Variants in ATAD3B observed in about 807,000 individuals in gnomAD.
ATAD3B encodes ATPase family AAA domain-containing protein 3B.
Under a neutral mutation model 70.2 loss-of-function variants are expected in ATAD3B, and 59 were observed. That is an observed-to-expected ratio of 0.84 (90% CI 0.68 to 1.04). The LOEUF is 1.04. Among genes scored for constraint, ATAD3B ranks in the 50% least tolerant of loss-of-function variants. The probability of loss-of-function intolerance (pLI) is 0.00; values close to 1 mark genes in which losing one functional copy is unlikely to be tolerated. For missense variants in ATAD3B, 961 were observed against 913.4 expected, an observed-to-expected ratio of 1.05 and a Z score of -0.67; for synonymous variants, 423 against 388.6, an observed-to-expected ratio of 1.09 and a Z score of -1.04.
Position 1,485,889 on chromosome 1 carries a change from C to G in ATAD3B, c.963+51C>G, listed in dbSNP as rs760826636. ...GAGGTGCAGGGAGGGGACCCCGGAG[C>G]TGGGCTGGGCTGTGGCCCTTGCTAG... On this transcript the variant is annotated intron_variant, in intron 9 of 15. Coordinates refer to ENST00000673477, the MANE Select transcript of ATAD3B (RefSeq NM_031921.6). The G allele has an allele frequency of 1.2e-6, 2 of 1,611,672 alleles. No individual in the cohort carries two copies. The highest frequency in any genetic ancestry group is 2.2e-5 in the East Asian group (1 of 44,884).
Position 1,477,318 on chromosome 1 carries a change from A to G in ATAD3B, c.250A>G (p.Thr84Ala). The change falls in exon 2 of 16, where the codon ACG becomes GCG. Residue 84 changes from threonine to alanine, a missense_variant. By Grantham distance (58) the Thr-to-Ala change is moderately conservative (BLOSUM62 0). Transcript: ENST00000673477. Reference protein sequence around the residue: ...ALNLAQMQEQTLQLEQQSKLK... With the variant: ...ALNLAQMQEQALQLEQQSKLK... The stretch of plus-strand genomic sequence containing the variant: ...GAATCTGGCGCAGATGCAGGAGCAG[A>G]CGCTGCAGTTGGAGCAACAGTCCAA... The G allele has an allele frequency of 6.2e-7, 1 of 1,612,304 alleles. No homozygotes were observed. The highest frequency in any genetic ancestry group is 2.1e-4 in the Middle Eastern group (1 of 4,864).
intron 1 of ATAD3B, among the ~76,000 whole-genome samples, chr1:1,475,192 C>T (rs929990272): frequency 6.7e-6 from 1 of 149,896 alleles, no homozygotes; most frequent in Non-Finnish European, 1.5e-5. Flanking sequence ...GAGCGGGGCC[C>T]GGGGCAGGGT....
the ATAD3B span, among the ~76,000 whole-genome samples, chr1:1,509,038 G>A: frequency 6.6e-6 from 1 of 151,816 alleles, no homozygotes. Flanking sequence ...GCTGCCCCCG[G>A]TGTCCACACA....
At chr1:1,495,396 T>G in intron 15 of ATAD3B, 89 bp from the exon 16 acceptor site, 1 of 1,492,230 alleles carries the variant, frequency 6.7e-7, no homozygotes, top group Non-Finnish European at 9.0e-7. Flanking sequence ...TGCCCCTGGT[T>G]TGGCCCCTCC....
chr1:1,501,880 G>T (rs1475879445), downstream of ATAD3B, among the ~76,000 whole-genome samples: 2 of 151,644 alleles, frequency 1.3e-5, no homozygotes. Flanking sequence ...GTTTTGTTTT[G>T]TTTTGTTTGT....
Position 1,477,310 on chromosome 1 carries a change from A to G in ATAD3B, c.242A>G (p.Gln81Arg). The change falls in exon 2 of 16, where the codon CAG (glutamine) becomes CGG (arginine). Residue 81 changes from glutamine to arginine, a missense_variant. By Grantham distance (43) the Gln-to-Arg change is conservative. Coordinates refer to ENST00000673477, the MANE Select transcript of ATAD3B (RefSeq NM_031921.6). The stretch of plus-strand genomic sequence containing the variant: ...GAGGCCCTGAATCTGGCGCAGATGC[A>G]GGAGCAGACGCTGCAGTTGGAGCAA... ...AKEALNLAQM[Q>R]EQTLQLEQQS... 1.2e-6 allele frequency: 2 copies of G among 1,612,376 alleles called. No homozygotes were observed. Among genetic ancestry groups the G allele is most frequent in the African/African-American group, 1.3e-5 (1 of 75,008 alleles).
In ATAD3B at chr1:1,483,172, A is replaced by G. The variant is rs556732379; in HGVS notation, c.750+558A>G. 1.1e-3 allele frequency: 406 copies of G among 384,104 alleles called. 8 individuals carry two copies. The highest frequency in any genetic ancestry group is 8.0e-3 in the Middle Eastern group (10 of 1,254). The allele number at this position is 384,104 out of a possible 1,614,324, so 23.8% of individuals were successfully genotyped here. ...AAAAGAATTAGCTGGGTGTGGTGAC[A>G]TGTGCCTGTAATCTCGGGAGGCTGA... is the stretch of plus-strand genomic sequence containing the variant. On this transcript the variant is annotated intron_variant, in intron 7 of 15. Transcript: ENST00000673477.
chr1:1,474,358 T>C (rs1220561986), intron 1 of ATAD3B, among the ~76,000 whole-genome samples: 1 of 149,318 alleles, frequency 6.7e-6, no homozygotes, highest in Non-Finnish European at 1.5e-5. Context: ...GCCCGGCTAA[T>C]TTTTTGTATT....
chr1:1,503,483 G>C, the ATAD3B span: 6 of 1,151,266 alleles, frequency 5.2e-6, no homozygotes, highest in Non-Finnish European at 7.6e-6. Flanking sequence ...TTGAGGTCGA[G>C]GCGTGGCCGT....
At chr1:1,494,569 G>A (rs1640685591) in intron 15 of ATAD3B, among the ~76,000 whole-genome samples, 3 of 151,924 alleles carry the variant, frequency 2.0e-5, no homozygotes, top group African/African-American at 4.8e-5. Context: ...TCCCCACACA[G>A]TGGCTCTTGG....
chr1:1,500,563 A>G (rs1183117130), downstream of ATAD3B, among the ~76,000 whole-genome samples: 1 of 150,948 alleles, frequency 6.6e-6, no homozygotes, highest in Non-Finnish European at 1.5e-5. Flanking sequence ...CAAAAAAAAA[A>G]AAAAATTATC....
At chr1:1,473,657 A>C (rs1639446407) in intron 1 of ATAD3B, among the ~76,000 whole-genome samples, 1 of 150,146 alleles carries the variant, frequency 6.7e-6, no homozygotes, top group East Asian at 2.0e-4. Flanking sequence ...CACCACGCCC[A>C]GCTAATTTTT....
intron 13 of ATAD3B, 47 bp from the exon 14 acceptor site, chr1:1,490,210 T>A: frequency 6.3e-7 from 1 of 1,596,022 alleles, no homozygotes; most frequent in Non-Finnish European, 8.6e-7. Flanking sequence ...CCTCGGGGCA[T>A]CTCAGCTGGC....
intron 7 of ATAD3B, chr1:1,484,026 A>T (rs1225950382): frequency 6.6e-6 from 1 of 152,130 alleles, no homozygotes; most frequent in African/African-American, 2.4e-5. Context: ...GGACACAGCC[A>T]TGTGCGACCT....
intron 7 of ATAD3B, chr1:1,482,988 A>G: frequency 2.1e-6 from 1 of 467,406 alleles, no homozygotes; most frequent in Non-Finnish European, 4.2e-6. Flanking sequence ...GCGAGAGAAT[A>G]AGACCTTGTC....
intron 5 of ATAD3B, 62 bp from the exon 6 acceptor site, chr1:1,482,074 AGT>A (rs1639938407): frequency 1.3e-6 from 2 of 1,563,504 alleles, no homozygotes; most frequent in Non-Finnish European, 1.7e-6. Context: ...GCCGGTCCAC[AGT>A]GTGGGTGGAG....
chr1:1,479,913 C>T (rs142543157), intron 4 of ATAD3B, among the ~76,000 whole-genome samples: 2,321 of 144,814 alleles, frequency 0.016, 203 homozygotes, highest in South Asian at 0.028. Flanking sequence ...CACACGGGCG[C>T]GCACACACCC....
intron 1 of ATAD3B, among the ~76,000 whole-genome samples, chr1:1,475,657 C>T (rs1484526965): frequency 6.7e-6 from 1 of 148,500 alleles, no homozygotes; most frequent in Non-Finnish European, 1.5e-5. Flanking sequence ...AGCACCAGCG[C>T]TCGCCCTGCA....
At chr1:1,474,110 C>A (rs1247351285) in intron 1 of ATAD3B, among the ~76,000 whole-genome samples, 7 of 152,034 alleles carry the variant, frequency 4.6e-5, no homozygotes, top group African/African-American at 1.4e-4. Context: ...GCCTTGACCT[C>A]CTGGGTAAAA....
Sources: gnomAD v4.1 joint callset for allele counts (sites outside exome capture counted in the v4.1 genomes callset) on GRCh38, gnomAD v4.1.1 for gene constraint, MANE v1.5 for transcripts, NCBI Gene and HGNC (gene_info 2026-07-23, HGNC 2026-07-21) for gene names.